SORBS2: variants seen among roughly 807,000 people sequenced by gnomAD.
The protein encoded by SORBS2 is sorbin and SH3 domain containing 2, also known as sorbin and SH3 domain-containing protein 2.
A neutral mutation model predicts 97.7 loss-of-function variants in SORBS2; 46 were observed. That is an observed-to-expected ratio of 0.47 (90% CI 0.37 to 0.60). SORBS2 has a LOEUF of 0.60. Among genes scored for constraint, SORBS2 ranks in the 20% least tolerant of loss-of-function variants. The probability of loss-of-function intolerance (pLI) is 0.00; values close to 1 mark genes in which losing one functional copy is unlikely to be tolerated. For missense variants in SORBS2, 1,316 were observed against 1,282.3 expected (o/e 1.03, Z -0.40); for synonymous variants, 476 against 473.4 (o/e 1.01, Z -0.07).
chr4:185,719,988 T>C (rs954917957), intron 2 of SORBS2, among the ~76,000 whole-genome samples: 1 of 152,248 alleles, frequency 6.6e-6, no homozygotes, highest in Non-Finnish European at 1.5e-5. Flanking sequence ...GCTGTGTGCA[T>C]CTTCCAAGAG....
intron 12 of SORBS2, among the ~76,000 whole-genome samples, chr4:185,595,526 G>C (rs2096064043): frequency 6.6e-6 from 1 of 152,114 alleles, no homozygotes; most frequent in South Asian, 2.1e-4. Context: ...CCTATTTCAA[G>C]TTCTCTTCCA....
At chr4:185,605,348 C>T (rs2086946) in intron 12 of SORBS2, among the ~76,000 whole-genome samples, 90,271 of 152,106 alleles carry the variant, frequency 0.59, 27,212 homozygotes, top group Non-Finnish European at 0.65. Context: ...AGTGGCACAA[C>T]TTCAGTTCAC....
exon 6 of SORBS2, chr4:185,626,950 G>A: frequency 6.2e-7 from 1 of 1,614,176 alleles, no homozygotes; most frequent in Non-Finnish European, 8.5e-7. Context: ...GATCTCCCAA[G>A]CCCCGTGGTG....
At chr4:185,782,328 A>T (rs898123368) in intron 1 of SORBS2, among the ~76,000 whole-genome samples, 1 of 152,258 alleles carries the variant, frequency 6.6e-6, no homozygotes, top group African/African-American at 2.4e-5. Context: ...TCCCTTCAGG[A>T]TATAATATGT....
At chr4:185,775,528 C>G (rs552722593) in intron 1 of SORBS2, 162 bp from the exon 2 acceptor site, 13 of 152,306 alleles carry the variant, frequency 8.5e-5, no homozygotes, top group South Asian at 8.3e-4. Context: ...CGCCACCCCC[C>G]ACTCCAGGGG....
At chr4:185,616,145 A>G (rs1037116697) in intron 9 of SORBS2, among the ~76,000 whole-genome samples, 2 of 152,152 alleles carry the variant, frequency 1.3e-5, no homozygotes, top group African/African-American at 2.4e-5. Flanking sequence ...TTTTGTTCAG[A>G]ATTTTCATTT....
chr4:185,678,555 T>C lies in SORBS2; in HGVS notation c.-170-8A>G. The C allele has an allele frequency of 1.3e-6, 2 of 1,530,412 alleles. No homozygotes were observed. The highest frequency in any genetic ancestry group is 1.8e-6 in the Non-Finnish European group (2 of 1,139,182). The allele number at this position is 1,530,412 out of a possible 1,614,324, so 94.8% of individuals were successfully genotyped here. The stretch of plus-strand genomic sequence containing the variant: ...CATTGTAAGATCTCCAAGCTTTCAT[T>C]AAGGGAAAACAATTGGATACAAAAA... On this transcript the variant is annotated splice_region_variant and splice_polypyrimidine_tract_variant and intron_variant, in intron 3 of 20. Transcript: ENST00000284776.
Position 185,697,956 on chromosome 4 carries a change from T to A in SORBS2, c.-197-19134A>T, listed in dbSNP as rs533091269. ...TAAAAATCATCTGATATCAAAAGAA[T>A]TATGTAATCTAGTCTAGTTTTGCAT... On this transcript the variant is annotated intron_variant, in intron 2 of 20. Coordinates refer to the SORBS2 transcript ENST00000284776. 2.6e-5 allele frequency among the ~76,000 whole-genome samples: 4 copies of A among 152,340 alleles called. No homozygotes were observed. The East Asian group carries it at 7.7e-4, about 29-fold the overall frequency.
intron 1 of SORBS2, among the ~76,000 whole-genome samples, chr4:185,838,333 C>G (rs2099209377): frequency 6.6e-6 from 1 of 152,246 alleles, no homozygotes; most frequent in African/African-American, 2.4e-5. Context: ...TGGGTTGCCT[C>G]TAGCTCCCCT....
At chr4:185,638,260 C>T in intron 4 of SORBS2, 98 bp from the exon 15 acceptor site, 1 of 766,854 alleles carries the variant, frequency 1.3e-6, no homozygotes, top group Non-Finnish European at 2.3e-6. Flanking sequence ...CATTGACACG[C>T]AAACATGCAT....
Position 185,908,766 on chromosome 4 carries a change from T to C in SORBS2, c.-338+47430A>G, listed in dbSNP as rs149222504. 3.9e-3 allele frequency among the ~76,000 whole-genome samples: 598 copies of C among 152,138 alleles called. 5 individuals are homozygous for C. Among genetic ancestry groups the C allele is most frequent in the South Asian group, 0.038 (183 of 4,812 alleles). Reference sequence around the variant, plus strand: ...AGAGTAAGATATAGGAGACCCACAATGATGGAGGCTCTGTTCTATCAAGAC... The same window carrying C: ...AGAGTAAGATATAGGAGACCCACAACGATGGAGGCTCTGTTCTATCAAGAC... On this transcript the variant is annotated intron_variant, in intron 1 of 20. Coordinates refer to the SORBS2 transcript ENST00000284776.
At chr4:185,731,686 C>A (rs1331196712) in intron 2 of SORBS2, among the ~76,000 whole-genome samples, 7 of 96,574 alleles carry the variant, frequency 7.2e-5, no homozygotes, top group African/African-American at 3.0e-4. Context: ...CTCCCTGCCT[C>A]TCTCCCTCCC....
intron 1 of SORBS2, 171 bp from the exon 2 acceptor site, chr4:185,775,537 G>C (rs1454848655): frequency 6.6e-6 from 1 of 152,144 alleles, no homozygotes; most frequent in Non-Finnish European, 1.5e-5. Context: ...CCACTCCAGG[G>C]GGGAGAAAAC....
intron 4 of SORBS2, among the ~76,000 whole-genome samples, chr4:185,667,396 T>C (rs2097628486): frequency 6.6e-6 from 1 of 152,174 alleles, no homozygotes; most frequent in Non-Finnish European, 1.5e-5. Context: ...AATTTTTTTC[T>C]CAGACTTTTA....
At chr4:185,906,679 C>T (rs2099251053) in intron 1 of SORBS2, among the ~76,000 whole-genome samples, 1 of 152,186 alleles carries the variant, frequency 6.6e-6, no homozygotes, top group Non-Finnish European at 1.5e-5. Flanking sequence ...TTATATGATT[C>T]CATACGTATC....
chr4:185,786,651 T>C (rs1199449177), intron 1 of SORBS2, among the ~76,000 whole-genome samples: 3 of 152,210 alleles, frequency 2.0e-5, no homozygotes, highest in Non-Finnish European at 4.4e-5. Context: ...TCCCTGAGCC[T>C]GGATTTCCTT....
intron 2 of SORBS2, among the ~76,000 whole-genome samples, chr4:185,691,594 T>C (rs2098095844): frequency 6.6e-6 from 1 of 152,126 alleles, no homozygotes; most frequent in Non-Finnish European, 1.5e-5. Context: ...GAGATTCATC[T>C]TTCTCTTTTT....
At chr4:185,917,265 T>C (rs2099258682) in intron 1 of SORBS2, among the ~76,000 whole-genome samples, 1 of 152,186 alleles carries the variant, frequency 6.6e-6, no homozygotes, top group African/African-American at 2.4e-5. Flanking sequence ...CTAACTCTGT[T>C]GCCCAGGCTG....
At chr4:185,816,201 T>G (rs1397311096) in intron 1 of SORBS2, among the ~76,000 whole-genome samples, 1 of 152,256 alleles carries the variant, frequency 6.6e-6, no homozygotes, top group Non-Finnish European at 1.5e-5. Flanking sequence ...CTTATTAGTC[T>G]GTTTCCTTAA....
Sources: allele counts gnomAD v4.1 joint callset (sites outside exome capture counted in the v4.1 genomes callset), GRCh38; gene constraint gnomAD v4.1.1; transcripts MANE v1.5; gene names NCBI Gene and HGNC (gene_info 2026-07-23, HGNC 2026-07-21).